LINGO2: variants seen among roughly 807,000 people sequenced by gnomAD.
LINGO2 encodes the protein leucine-rich repeat and immunoglobulin-like domain-containing nogo receptor-interacting protein 2.
In LINGO2, 14 loss-of-function variants were observed where a neutral mutation model predicts 30.6. The ratio of observed to expected loss-of-function variants is 0.46; its 90% CI spans 0.30 to 0.72. LINGO2 has a LOEUF of 0.72. Among genes scored for constraint, LINGO2 ranks in the 30% least tolerant of loss-of-function variants. LINGO2 has a pLI of 0.07. For synonymous variants in LINGO2, 317 were observed against 288.5 expected (o/e 1.10, Z -1.00); for missense variants, 729 against 751.7 (o/e 0.97, Z 0.35).
intron 1 of LINGO2, among the ~76,000 whole-genome samples, chr9:28,548,702 CAAAAAAAAAAAAAAA>C (rs147347396): frequency 4.7e-5 from 3 of 63,340 alleles, no homozygotes; most frequent in East Asian, 4.2e-4. Context: ...GACTCCATCT[CAAAAAAAAAAAAAAA>C]AAAAAAAAAA....
At chr9:29,150,246 C>T in the LINGO2 span, among the ~76,000 whole-genome samples, 6 of 152,052 alleles carry the variant, frequency 3.9e-5, no homozygotes, top group South Asian at 1.0e-3. Flanking sequence ...ATTGGCCCTC[C>T]GAAAGTACCC....
chr9:28,712,107 T>C, the LINGO2 span, among the ~76,000 whole-genome samples: 23 of 152,178 alleles, frequency 1.5e-4, no homozygotes, highest in African/African-American at 4.8e-4. Context: ...AATGTAAATA[T>C]GTAAAAGCTA....
intron 3 of LINGO2, among the ~76,000 whole-genome samples, chr9:28,311,547 G>A (rs908639418): frequency 1.3e-5 from 2 of 152,200 alleles, no homozygotes; most frequent in African/African-American, 4.8e-5. Flanking sequence ...CTCTTTCTCA[G>A]GGATGTTCCT....
At chr9:28,963,073 C>G in the LINGO2 span, among the ~76,000 whole-genome samples, 1 of 151,880 alleles carries the variant, frequency 6.6e-6, no homozygotes, top group Non-Finnish European at 1.5e-5. Flanking sequence ...CTGACAATTA[C>G]ATAGAAAAGG....
At chr9:28,516,111 A>G (rs190681094) in intron 1 of LINGO2, among the ~76,000 whole-genome samples, 34 of 152,318 alleles carry the variant, frequency 2.2e-4, no homozygotes, top group African/African-American at 7.9e-4. Context: ...TTTAAGGCAT[A>G]ATGTTATTGC....
At chr9:28,363,323 A>G (rs16912737) in intron 3 of LINGO2, among the ~76,000 whole-genome samples, 22,975 of 152,232 alleles carry the variant, frequency 0.15, 1,858 homozygotes, top group African/African-American at 0.2. Flanking sequence ...AGCAAGAGTA[A>G]GAAAATAAAG....
At chr9:28,968,221 C>A in the LINGO2 span, among the ~76,000 whole-genome samples, 1 of 152,120 alleles carries the variant, frequency 6.6e-6, no homozygotes, top group Non-Finnish European at 1.5e-5. Context: ...TTTAGACTTA[C>A]AGAAAATAGA....
rs974831499 is a variant in LINGO2, at chr9:28,048,720, TAAAGGA to T, written c.-86-36321_-86-36316del. 2.0e-4 allele frequency among the ~76,000 whole-genome samples: 30 copies of T among 150,736 alleles called. 1 individual carries two copies. Among genetic ancestry groups the T allele is most frequent in the African/African-American group, 6.6e-4 (27 of 40,782 alleles). On this transcript the variant is annotated intron_variant, in intron 4 of 5. Coordinates refer to ENST00000379992, the Ensembl canonical transcript of LINGO2. ...TGAAAATAGCATAAATGTCCAAGAT[TAAAGGA>T]AAAGATTTAATAAATTCAACCTAGA...
intron 4 of LINGO2, among the ~76,000 whole-genome samples, chr9:28,104,894 C>A (rs190786977): frequency 5.7e-4 from 86 of 151,678 alleles, no homozygotes; most frequent in African/African-American, 1.5e-3. Context: ...AGAATCCGGC[C>A]CCCACCGACC....
the LINGO2 span, among the ~76,000 whole-genome samples, chr9:28,798,773 A>C: frequency 6.6e-6 from 1 of 152,150 alleles, no homozygotes; most frequent in Non-Finnish European, 1.5e-5. Flanking sequence ...TTGCTTCCCA[A>C]AATGAAGCAA....
chr9:28,788,990 T>C, the LINGO2 span, among the ~76,000 whole-genome samples: 1 of 152,282 alleles, frequency 6.6e-6, no homozygotes, highest in East Asian at 1.9e-4. Context: ...AGTCCTCTAA[T>C]ATGTAATAAT....
upstream of LINGO2, among the ~76,000 whole-genome samples, chr9:28,671,121 G>A (rs938500154): frequency 1.3e-5 from 2 of 151,986 alleles, no homozygotes; most frequent in Non-Finnish European, 2.9e-5. Flanking sequence ...TAACTGTATA[G>A]CATCCCTTTT....
Position 28,515,204 on chromosome 9 carries a change from A to ATT in LINGO2, c.-364-39181_-364-39180dup, listed in dbSNP as rs58265226. 1.1e-3 allele frequency among the ~76,000 whole-genome samples: 116 copies of ATT among 102,966 alleles called. 1 individual carries two copies. The highest frequency in any genetic ancestry group is 3.2e-3 in the African/African-American group (98 of 30,448). 67.5% of individuals were successfully genotyped at this position (102,966 alleles called of 152,430 possible). ...TCAAGTCTTATTTTTTAAGAAATACATTTTTTTTTTTTTTTTTTTTGAGAT... is the reference window on the plus strand; with the variant it reads ...TCAAGTCTTATTTTTTAAGAAATACATTTTTTTTTTTTTTTTTTTTTTGAGAT... On this transcript the variant is annotated intron_variant, in intron 1 of 5. Transcript: ENST00000379992.
At chr9:27,955,681 T>TTATCA (rs10651786) in intron 5 of LINGO2, among the ~76,000 whole-genome samples, 83,685 of 151,416 alleles carry the variant, frequency 0.55, 24,594 homozygotes, top group East Asian at 0.81. Context: ...CACAACTTGC[T>TTATCA]ATTCAACTAT....
At chr9:28,467,035 TG>T (rs397724395) in intron 2 of LINGO2, among the ~76,000 whole-genome samples, 2,674 of 140,098 alleles carry the variant, frequency 0.019, 62 homozygotes, top group African/African-American at 0.06. Flanking sequence ...TCTTTTTTTT[TG>T]GGGGGGGGGG....
In LINGO2 at chr9:28,187,885, T is replaced by A. The variant is rs563054684; in HGVS notation, c.-87+107323A>T. 1.7e-3 allele frequency among the ~76,000 whole-genome samples: 261 copies of A among 152,272 alleles called. 1 individual carries two copies. The highest frequency in any genetic ancestry group is 5.9e-3 in the African/African-American group (247 of 41,538). Reference sequence around the variant, plus strand: ...ATACTATGAGTTGAATATAATTTTTTAAAGCCTCAGAGCCCCTAATAACTA... The same window carrying A: ...ATACTATGAGTTGAATATAATTTTTAAAAGCCTCAGAGCCCCTAATAACTA... On this transcript the variant is annotated intron_variant, in intron 4 of 5. Coordinates refer to ENST00000379992, the Ensembl canonical transcript of LINGO2.
chr9:29,168,590 C>T, the LINGO2 span, among the ~76,000 whole-genome samples: 1 of 152,174 alleles, frequency 6.6e-6, no homozygotes, highest in Non-Finnish European at 1.5e-5. Flanking sequence ...ATCCTCTCAT[C>T]CACCATCTGC....
the LINGO2 span, among the ~76,000 whole-genome samples, chr9:28,879,331 C>G: frequency 6.6e-6 from 1 of 152,104 alleles, no homozygotes; most frequent in African/African-American, 2.4e-5. Context: ...TGTAGTAGCA[C>G]TGAACTTAAC....
At chr9:28,009,164 G>C (rs1822422633) in intron 5 of LINGO2, among the ~76,000 whole-genome samples, 3 of 150,626 alleles carry the variant, frequency 2.0e-5, no homozygotes, top group Non-Finnish European at 3.0e-5. Flanking sequence ...CCAACATATG[G>C]TGCTGAGACA....
Sources: allele counts gnomAD v4.1 joint callset (sites outside exome capture counted in the v4.1 genomes callset), GRCh38; gene constraint gnomAD v4.1.1; transcripts MANE v1.5; gene names NCBI Gene and HGNC (gene_info 2026-07-23, HGNC 2026-07-21).